CSMD1: variants seen among roughly 807,000 people sequenced by gnomAD.
The protein encoded by CSMD1 is CUB and Sushi multiple domains 1.
Under a neutral mutation model 417.5 loss-of-function variants are expected in CSMD1, and 213 were observed. That is an observed-to-expected ratio of 0.51 (90% CI 0.46 to 0.57). CSMD1 has a LOEUF of 0.57. Among genes scored for constraint, CSMD1 ranks in the 20% least tolerant of loss-of-function variants. The pLI is 0.00. For synonymous variants in CSMD1, 2,862 were observed against 1,736.8 expected, an observed-to-expected ratio of 1.65 and a Z score of -16.11; for missense variants, 6,923 against 4,529.7, an observed-to-expected ratio of 1.53 and a Z score of -15.17.
At position 4,587,861 on chromosome 8, in the gene CSMD1, T is replaced by G. The variant is rs1753079014; in HGVS notation, c.302+49481A>C. ...CTGTAACTATAAAAAATTATGAAATTTATTGAAATGTAAAAACTGTTGTCC... is the reference window on the plus strand; with the variant it reads ...CTGTAACTATAAAAAATTATGAAATGTATTGAAATGTAAAAACTGTTGTCC... On this transcript the variant is annotated intron_variant, in intron 2 of 69. Transcript: ENST00000635120. Among the ~76,000 whole-genome samples the G allele has an allele frequency of 3.9e-5, 6 of 152,190 alleles. No homozygotes were observed. In the South Asian group the frequency reaches 1.2e-3, roughly 31 times the overall value.
intron 2 of CSMD1, among the ~76,000 whole-genome samples, chr8:4,500,836 C>G (rs1013666677): frequency 1.3e-5 from 2 of 152,088 alleles, no homozygotes; most frequent in African/African-American, 4.8e-5. Context: ...GGTCCATTGC[C>G]TGGAGGATTT....
At chr8:3,933,403 C>G (rs1449903351) in intron 5 of CSMD1, among the ~76,000 whole-genome samples, 1 of 152,146 alleles carries the variant, frequency 6.6e-6, no homozygotes, top group Non-Finnish European at 1.5e-5. Context: ...ATGAGTCTAT[C>G]AGGACTTGTA....
chr8:3,267,482 G>A (rs1489982481), intron 26 of CSMD1, among the ~76,000 whole-genome samples: 1 of 152,200 alleles, frequency 6.6e-6, no homozygotes, highest in African/African-American at 2.4e-5. Flanking sequence ...CAAGCTGCCA[G>A]GCGTGAGGTT....
At chr8:4,684,836 A>G (rs1445731303) in intron 1 of CSMD1, among the ~76,000 whole-genome samples, 2 of 152,210 alleles carry the variant, frequency 1.3e-5, no homozygotes, top group African/African-American at 2.4e-5. Context: ...ATTCATGTTA[A>G]AGAATATAAT....
rs1435311460 is a variant in CSMD1 at position 3,407,932 on chromosome 8, T to G, written c.2038A>C (p.Thr680Pro). Reference protein sequence around the residue: ...VRLEFQSDHSTTGRGFNITYT... With the variant: ...VRLEFQSDHSPTGRGFNITYT... ...GTGATGTTGAACCCTCTGCCAGTAG[T>G]GGAATGGTCAGACTGAAATTCCAAG... The change falls in exon 14 of 70, where the codon ACT becomes CCT. Residue 680 changes from threonine (T) to proline (P), a missense_variant. Thr to Pro is a conservative substitution (Grantham distance 38). Transcript: ENST00000635120. 5 of 1,612,938 alleles carry G rather than the reference T, an allele frequency of 3.1e-6. No individual in the cohort carries two copies. The highest frequency in any genetic ancestry group is 1.3e-5 in the African/African-American group (1 of 75,030).
rs981747075 is a variant in CSMD1 at position 4,948,889 on chromosome 8, C to G, written c.85+45443G>C. 9.2e-5 allele frequency among the ~76,000 whole-genome samples: 14 copies of G among 152,036 alleles called. No homozygotes were observed. In the South Asian group the frequency reaches 2.7e-3, roughly 29 times the overall value. On this transcript the variant is annotated intron_variant, in intron 1 of 69. Coordinates refer to ENST00000635120, the MANE Select transcript of CSMD1 (RefSeq NM_033225.6). The stretch of plus-strand genomic sequence containing the variant: ...TTCATTCCGATTTTAGATAAAAGAC[C>G]ATGTTTTTACATAAAAATAATGTTT...
At chr8:3,402,164 G>C (rs114984744) in intron 15 of CSMD1, among the ~76,000 whole-genome samples, 2,971 of 152,146 alleles carry the variant, frequency 0.02, 90 homozygotes, top group African/African-American at 0.067. Flanking sequence ...CATTATCTGT[G>C]ATAGTGCACA....
chr8:4,403,766 G>C (rs140711556), intron 3 of CSMD1, among the ~76,000 whole-genome samples: 1 of 152,016 alleles, frequency 6.6e-6, no homozygotes, highest in African/African-American at 2.4e-5. Context: ...CTCCACTTAC[G>C]TTTCCATCTT....
intron 3 of CSMD1, among the ~76,000 whole-genome samples, chr8:4,171,965 T>C (rs1797787610): frequency 6.6e-6 from 1 of 152,190 alleles, no homozygotes; most frequent in African/African-American, 2.4e-5. Flanking sequence ...CATAATGTAA[T>C]AATCAGCATC....
At chr8:3,902,262 T>C (rs1016185443) in intron 5 of CSMD1, among the ~76,000 whole-genome samples, 2 of 152,268 alleles carry the variant, frequency 1.3e-5, no homozygotes, top group Non-Finnish European at 1.5e-5. Flanking sequence ...CTAGGGTCCA[T>C]TGATTAAGTC....
intron 2 of CSMD1, among the ~76,000 whole-genome samples, chr8:4,462,923 T>C (rs895100294): frequency 2.0e-5 from 3 of 152,128 alleles, no homozygotes; most frequent in African/African-American, 7.2e-5. Context: ...TTCTTAGATA[T>C]GACATCAAAA....
intron 6 of CSMD1, among the ~76,000 whole-genome samples, chr8:3,742,162 T>C (rs1393853810): frequency 2.0e-5 from 3 of 152,148 alleles, no homozygotes; most frequent in Non-Finnish European, 4.4e-5. Context: ...CGCCTTTCTG[T>C]AAAGTGAGTC....
At chr8:3,793,871 G>C (rs1439248042) in intron 5 of CSMD1, among the ~76,000 whole-genome samples, 1 of 152,120 alleles carries the variant, frequency 6.6e-6, no homozygotes, top group Admixed American at 6.5e-5. Flanking sequence ...GAGTGTCGCT[G>C]ATGGACCATT....
At chr8:4,992,713 C>T (rs1166793016) in intron 1 of CSMD1, among the ~76,000 whole-genome samples, 1 of 152,248 alleles carries the variant, frequency 6.6e-6, no homozygotes, top group Non-Finnish European at 1.5e-5. Context: ...CCAGTCGGGC[C>T]CTGCTCAGCA....
At chr8:4,701,531 A>G (rs764950226) in intron 1 of CSMD1, among the ~76,000 whole-genome samples, 54 of 152,088 alleles carry the variant, frequency 3.6e-4, no homozygotes, top group Admixed American at 1.5e-3. Context: ...GGAAGCATCA[A>G]TGGTGGGCAT....
chr8:4,732,345 G>GTGTA (rs1809944080), intron 1 of CSMD1, among the ~76,000 whole-genome samples: 1 of 5,426 alleles, frequency 1.8e-4, no homozygotes, highest in Admixed American at 1.7e-3. Flanking sequence ...TTTCTTCTGC[G>GTGTA]TGTGTGTGTG....
chr8:3,175,140 A>G (rs1278724776), intron 37 of CSMD1, among the ~76,000 whole-genome samples: 1 of 152,216 alleles, frequency 6.6e-6, no homozygotes, highest in East Asian at 1.9e-4. Flanking sequence ...ATTTATGTTT[A>G]GTTTATAACG....
At chr8:3,987,422 C>A (rs74769321) in intron 5 of CSMD1, among the ~76,000 whole-genome samples, 1 of 152,158 alleles carries the variant, frequency 6.6e-6, no homozygotes, top group East Asian at 1.9e-4. Flanking sequence ...TGTCTGTCTC[C>A]GTTCCTGGTA....
intron 5 of CSMD1, among the ~76,000 whole-genome samples, chr8:3,958,318 CTCTTT>C (rs1415299576): frequency 6.4e-4 from 10 of 15,724 alleles, no homozygotes. Flanking sequence ...TTTAAACTCT[CTCTTT>C]TTTTTTTTTT....
Sources: gnomAD v4.1 joint callset for allele counts (sites outside exome capture counted in the v4.1 genomes callset) on GRCh38, gnomAD v4.1.1 for gene constraint, MANE v1.5 for transcripts, NCBI Gene and HGNC (gene_info 2026-07-23, HGNC 2026-07-21) for gene names.